Variants in PIWIL1 observed in about 807,000 individuals in gnomAD.
PIWIL1 encodes piwi-like protein 1.
Under a neutral mutation model 114.4 loss-of-function variants are expected in PIWIL1, and 73 were observed. The ratio of observed to expected loss-of-function variants is 0.64; its 90% CI spans 0.53 to 0.78. The LOEUF (loss-of-function observed/expected upper bound fraction) is 0.78. Among genes scored for constraint, PIWIL1 ranks in the 30% least tolerant of loss-of-function variants. The pLI is 0.00. For synonymous variants in PIWIL1, 375 were observed against 369.0 expected, an observed-to-expected ratio of 1.02 and a Z score of -0.19; for missense variants, 723 against 1,063.1, an observed-to-expected ratio of 0.68 and a Z score of 4.45.
the PIWIL1 span, among the ~76,000 whole-genome samples, chr12:130,413,175 C>T: frequency 1.2e-3 from 180 of 152,296 alleles, no homozygotes; most frequent in African/African-American, 4.0e-3. Flanking sequence ...TGGGTTCCTA[C>T]GTAACAAGAT....
the PIWIL1 span, among the ~76,000 whole-genome samples, chr12:130,401,043 G>A: frequency 8.2e-4 from 125 of 152,320 alleles, no homozygotes; most frequent in Non-Finnish European, 1.6e-3. Flanking sequence ...TTCTGTAGAC[G>A]GATGGTGGTG....
chr12:130,344,592 T>G, intron 3 of PIWIL1, among the ~76,000 whole-genome samples: 1 of 152,208 alleles, frequency 6.6e-6, no homozygotes, highest in Non-Finnish European at 1.5e-5. Flanking sequence ...TCTAAGGAAG[T>G]CTAGAGAGTA....
chr12:130,371,283 G>T lies in PIWIL1; in HGVS notation c.2429G>T (p.Arg810Leu). ...NSGLKPDHIQ[R>L]LTYKLCHIYY... The stretch of plus-strand genomic sequence containing the variant: ...GGCCTGAAGCCAGACCACATACAGC[G>T]CTTGACCTACAAGCTGTGCCACATC... The change falls in exon 20 of 21, where the codon CGC becomes CTC. Residue 810 changes from arginine (R) to leucine (L), a missense_variant. Physicochemically the swap from Arg to Leu is moderately radical, Grantham distance 102. Coordinates refer to ENST00000245255, the MANE Select transcript of PIWIL1 (RefSeq NM_004764.5). 6.2e-7 allele frequency: 1 copy of T among 1,614,202 alleles called. No individual in the cohort carries two copies. Among genetic ancestry groups the T allele is most frequent in the Non-Finnish European group, 8.5e-7 (1 of 1,180,026 alleles).
At chr12:130,406,993 A>G in the PIWIL1 span, among the ~76,000 whole-genome samples, 7 of 152,312 alleles carry the variant, frequency 4.6e-5, no homozygotes, top group Non-Finnish European at 7.4e-5. Flanking sequence ...GCCCCAAAGC[A>G]GGCGGTGTCA....
chr12:130,424,696 C>T, the PIWIL1 span: 27 of 1,231,868 alleles, frequency 2.2e-5, no homozygotes, highest in African/African-American at 3.4e-4. This position sits in a 1 kb window ranked among gnomAD's most constrained non-coding sequence, Gnocchi z 9.8. Flanking sequence ...CCCGTCCTGG[C>T]CCTGGGGGAC....
At chr12:130,354,404 T>C in intron 9 of PIWIL1, 133 bp from the exon 10 acceptor site, 1 of 1,150,086 alleles carries the variant, frequency 8.7e-7, no homozygotes, top group Non-Finnish European at 1.3e-6. Flanking sequence ...TTTAAAACTT[T>C]ACTCTGAAGC....
At chr12:130,415,397 T>C in the PIWIL1 span, among the ~76,000 whole-genome samples, 2 of 152,328 alleles carry the variant, frequency 1.3e-5, no homozygotes, top group South Asian at 4.1e-4. Flanking sequence ...TTGAAAGATG[T>C]ACCTCAAAAA....
chr12:130,366,232 A>G (rs1462646334), intron 18 of PIWIL1, among the ~76,000 whole-genome samples: 1 of 152,148 alleles, frequency 6.6e-6, no homozygotes, highest in African/African-American at 2.4e-5. Flanking sequence ...TAATTCATGG[A>G]TTAACTACGT....
chr12:130,392,844 C>G, the PIWIL1 span, among the ~76,000 whole-genome samples: 629 of 113,594 alleles, frequency 5.5e-3, 124 homozygotes, highest in African/African-American at 0.028. Context: ...ATGACCCGGT[C>G]ACCGTCATCA....
At chr12:130,407,741 G>C in the PIWIL1 span, 1 of 1,613,850 alleles carries the variant, frequency 6.2e-7, no homozygotes. Context: ...CATCGACGTT[G>C]GGCGAGCTTT....
chr12:130,357,528 A>G lies in PIWIL1; in HGVS notation c.1640A>G (p.Gln547Arg). Residue 547 changes from glutamine (Q) to arginine (R), a missense_variant, in exon 14 of 21, where the codon CAA (glutamine) becomes CGA (arginine). Physicochemically the swap from Gln to Arg is conservative, Grantham distance 43. Coordinates refer to ENST00000245255, the MANE Select transcript of PIWIL1 (RefSeq NM_004764.5). ...RTEAYLRVLQQKVTADTQIVV... is the reference protein window; with the variant it reads ...RTEAYLRVLQRKVTADTQIVV... ...GAAGCCTACTTAAGAGTCTTACAGC[A>G]AAAGGTCACAGCAGACACCCAGATA... is the stretch of plus-strand genomic sequence containing the variant. The G allele has an allele frequency of 6.2e-7, 1 of 1,612,482 alleles. No individual in the cohort carries two copies. Among genetic ancestry groups the G allele is most frequent in the Non-Finnish European group, 8.5e-7 (1 of 1,178,542 alleles).
At position 130,363,025 on chromosome 12, in the gene PIWIL1, C is replaced by T. The variant is rs773763067; in HGVS notation, c.2076C>T (p.Tyr692=). The change falls in exon 18 of 21, where the codon TAC becomes TAT. Residue 692 remains tyrosine, a synonymous_variant. Transcript: ENST00000245255. ...GGGCTTGGAATAGCTGCAATGAGTA[C>T]ATGCCCAGCCGGATCATCGTGTACC... is the stretch of plus-strand genomic sequence containing the variant. The part of the protein sequence containing the change: ...ALRAWNSCNE[Y]MPSRIIVYRD... 4.0e-5 allele frequency: 64 copies of T among 1,614,122 alleles called. No individual in the cohort carries two copies. In the Admixed American group the frequency reaches 1.0e-3, roughly 26 times the overall value.
At chr12:130,349,039 T>C (rs1197845834) in intron 7 of PIWIL1, among the ~76,000 whole-genome samples, 200 bp from the exon 8 acceptor site, 2 of 152,240 alleles carry the variant, frequency 1.3e-5, no homozygotes, top group Non-Finnish European at 2.9e-5. Flanking sequence ...TACATTCATT[T>C]AAAATGAAAC....
downstream of PIWIL1, among the ~76,000 whole-genome samples, chr12:130,375,401 A>ACAC (rs908257521): frequency 3.9e-5 from 6 of 152,014 alleles, no homozygotes; most frequent in East Asian, 1.9e-4. Flanking sequence ...TTGTCTCCTT[A>ACAC]CACCACCACC....
chr12:130,389,488 A>G, the PIWIL1 span, among the ~76,000 whole-genome samples: 15 of 151,830 alleles, frequency 9.9e-5, no homozygotes, highest in Admixed American at 5.2e-4. Context: ...TAAGCTTTCA[A>G]TTTTTTATTA....
the PIWIL1 span, among the ~76,000 whole-genome samples, chr12:130,411,207 GT>G: frequency 6.6e-6 from 1 of 152,170 alleles, no homozygotes. Flanking sequence ...ATCCATTGAT[GT>G]TGCTACACTC....
chr12:130,356,438 CG>C (rs1260346416), intron 12 of PIWIL1, among the ~76,000 whole-genome samples: 1 of 152,058 alleles, frequency 6.6e-6, no homozygotes, highest in South Asian at 2.1e-4. Context: ...CAGAAGACAC[CG>C]GGCTGCTCCC....
At chr12:130,356,897 T>G (rs552516944) in intron 12 of PIWIL1, 21 bp from the exon 13 acceptor site, 2 of 1,545,906 alleles carry the variant, frequency 1.3e-6, no homozygotes, top group African/African-American at 2.7e-5. Flanking sequence ...GAATTTACAG[T>G]GTGTCTGAAC....
At chr12:130,342,954 A>T (rs772906527) in intron 2 of PIWIL1, 36 bp from the exon 3 acceptor site, 3 of 1,516,580 alleles carry the variant, frequency 2.0e-6, no homozygotes. Flanking sequence ...TGACCGCTTG[A>T]CGAAAAGAAT....
Sources: gnomAD v4.1 joint callset for allele counts (sites outside exome capture counted in the v4.1 genomes callset) on GRCh38, gnomAD v4.1.1 for gene constraint, Gnocchi (gnomAD v3.1) non-coding constraint, MANE v1.5 for transcripts, NCBI Gene and HGNC (gene_info 2026-07-23, HGNC 2026-07-21) for gene names.